CSMD1: variants seen among roughly 807,000 people sequenced by gnomAD.
CSMD1 encodes the protein CUB and Sushi multiple domains 1, also known as CUB and sushi domain-containing protein 1.
CSMD1 carries 213 observed loss-of-function variants against 417.5 expected under a neutral mutation model. That is an observed-to-expected ratio of 0.51 (90% confidence interval 0.46 to 0.57). The LOEUF (loss-of-function observed/expected upper bound fraction) is 0.57. Among genes scored for constraint, CSMD1 ranks in the 20% least tolerant of loss-of-function variants. The probability of loss-of-function intolerance (pLI) is 0.00; values close to 1 mark genes in which losing one functional copy is unlikely to be tolerated. For missense variants in CSMD1, 6,923 were observed against 4,529.7 expected (o/e 1.53, Z -15.17); for synonymous variants, 2,862 against 1,736.8 (o/e 1.65, Z -16.11).
At chr8:3,985,866 A>G (rs1198545668) in intron 5 of CSMD1, among the ~76,000 whole-genome samples, 2 of 151,528 alleles carry the variant, frequency 1.3e-5, no homozygotes, top group South Asian at 2.1e-4. Context: ...TGAGCATCAG[A>G]TAATTTTTCT....
At chr8:4,309,349 G>A (rs192406687) in intron 3 of CSMD1, among the ~76,000 whole-genome samples, 24 of 151,904 alleles carry the variant, frequency 1.6e-4, no homozygotes, top group Non-Finnish European at 3.1e-4. Context: ...GTTTTTTTAG[G>A]AAAAAAACTA....
intron 10 of CSMD1, among the ~76,000 whole-genome samples, chr8:3,570,959 A>G (rs750611547): frequency 6.6e-6 from 1 of 152,208 alleles, no homozygotes; most frequent in Non-Finnish European, 1.5e-5. Context: ...AAAATGTGCT[A>G]TAGGCACATC....
At chr8:2,947,197 A>C (rs542341853) in intron 68 of CSMD1, among the ~76,000 whole-genome samples, 2 of 152,320 alleles carry the variant, frequency 1.3e-5, no homozygotes, top group African/African-American at 4.8e-5. Flanking sequence ...ATTCAATCCT[A>C]ATGAGGAAAC....
intron 3 of CSMD1, among the ~76,000 whole-genome samples, chr8:4,415,384 G>T (rs1382277540): frequency 6.6e-6 from 1 of 152,104 alleles, no homozygotes; most frequent in East Asian, 1.9e-4. Flanking sequence ...TCTTCCTTGA[G>T]ACCTTCTATT....
At position 4,481,736 on chromosome 8, in the gene CSMD1, A is replaced by G. The variant is rs539052623; in HGVS notation, c.303-61671T>C. On this transcript the variant is annotated intron_variant, in intron 2 of 69. Transcript: ENST00000635120. ...TATATTAGACTACTTCTTTAAGCTT[A>G]AAGAAGTAAATATTAGATACTGTGC... Among the ~76,000 whole-genome samples the G allele has an allele frequency of 5.4e-4, 83 of 152,320 alleles. 3 individuals are homozygous for G. In the South Asian group the frequency reaches 0.013, roughly 23 times the overall value.
chr8:4,604,291 G>A (rs565994965), intron 2 of CSMD1, among the ~76,000 whole-genome samples: 3 of 151,324 alleles, frequency 2.0e-5, no homozygotes, highest in African/African-American at 7.3e-5. Flanking sequence ...TAAGACATTG[G>A]TGTCTATATA....
intron 49 of CSMD1, among the ~76,000 whole-genome samples, chr8:3,060,746 A>G: frequency 6.6e-6 from 1 of 152,198 alleles, no homozygotes; most frequent in African/African-American, 2.4e-5. Flanking sequence ...ATATGATAGT[A>G]TTAAGAGGTG....
intron 5 of CSMD1, among the ~76,000 whole-genome samples, chr8:3,913,804 G>T (rs999316391): frequency 6.6e-6 from 1 of 152,164 alleles, no homozygotes; most frequent in African/African-American, 2.4e-5. Context: ...GGGCACCAGA[G>T]TACTAGAGTA....
At chr8:3,693,836 G>A (rs1247313563) in intron 7 of CSMD1, among the ~76,000 whole-genome samples, 2 of 151,354 alleles carry the variant, frequency 1.3e-5, no homozygotes, top group Non-Finnish European at 2.9e-5. Flanking sequence ...TGTGTGTGTT[G>A]TGTGTGTTAG....
intron 5 of CSMD1, among the ~76,000 whole-genome samples, chr8:3,902,017 T>C (rs1396500454): frequency 1.3e-5 from 2 of 152,198 alleles, no homozygotes; most frequent in Admixed American, 1.3e-4. Context: ...TCTTACTCTA[T>C]TCCATTTATT....
At chr8:3,219,534 T>G (rs1798081880) in intron 28 of CSMD1, 92 bp from the exon 29 acceptor site, 1 of 929,328 alleles carries the variant, frequency 1.1e-6, no homozygotes, top group Non-Finnish European at 1.5e-6. Context: ...TGATTTTATT[T>G]GCTTTTGTAT....
At chr8:2,951,379 G>C (rs1802620148) in intron 65 of CSMD1, 104 bp from the exon 66 acceptor site, 2 of 1,190,520 alleles carry the variant, frequency 1.7e-6, no homozygotes, top group Non-Finnish European at 2.3e-6. Context: ...AGCGATCACA[G>C]ATGAGGGCAG....
chr8:3,256,052 G>C (rs1585817822), intron 26 of CSMD1, among the ~76,000 whole-genome samples: 1 of 152,270 alleles, frequency 6.6e-6, no homozygotes, highest in Middle Eastern at 3.4e-3. Flanking sequence ...ACTGAGCCGG[G>C]TGAGGTGGCT....
In CSMD1 at chr8:4,962,151, G is replaced by C. The variant is rs79998665; in HGVS notation, c.85+32181C>G. 5.0e-3 allele frequency among the ~76,000 whole-genome samples: 738 copies of C among 148,600 alleles called. 15 individuals are homozygous for C. Among genetic ancestry groups the C allele is most frequent in the Admixed American group, 0.045 (666 of 14,842 alleles). On this transcript the variant is annotated intron_variant, in intron 1 of 69. Coordinates refer to ENST00000635120, the MANE Select transcript of CSMD1 (RefSeq NM_033225.6). ...TATTGGAGGCTTTTACAACTATCCA[G>C]TGAAACACAAAACAATAATATAAAT...
At chr8:4,210,325 T>C (rs1260256976) in intron 3 of CSMD1, among the ~76,000 whole-genome samples, 1 of 152,242 alleles carries the variant, frequency 6.6e-6, no homozygotes, top group African/African-American at 2.4e-5. Context: ...AGTGTGGGAT[T>C]GTGCTGTGTC....
At chr8:3,849,129 G>C (rs193290730) in intron 5 of CSMD1, among the ~76,000 whole-genome samples, 1 of 152,164 alleles carries the variant, frequency 6.6e-6, no homozygotes, top group East Asian at 1.9e-4. Context: ...TGAAAGACAA[G>C]GAAGCCTAGG....
chr8:3,808,700 G>A (rs1182059036), intron 5 of CSMD1, among the ~76,000 whole-genome samples: 1 of 152,162 alleles, frequency 6.6e-6, no homozygotes, highest in African/African-American at 2.4e-5. Context: ...CACTCTAGAA[G>A]TTCCCACTTG....
chr8:3,146,461 C>T (rs1056069708), intron 40 of CSMD1, among the ~76,000 whole-genome samples: 3 of 151,826 alleles, frequency 2.0e-5, no homozygotes, highest in African/African-American at 4.8e-5. Context: ...TCAAAATAGC[C>T]CTATGGGACT....
intron 32 of CSMD1, among the ~76,000 whole-genome samples, chr8:3,200,652 G>C (rs893202387): frequency 3.9e-5 from 6 of 151,944 alleles, no homozygotes; most frequent in Admixed American, 3.9e-4. Flanking sequence ...GCAGTGGTGG[G>C]AGGTGTGTGA....
Sources: allele counts gnomAD v4.1 joint callset (sites outside exome capture counted in the v4.1 genomes callset), GRCh38; gene constraint gnomAD v4.1.1; transcripts MANE v1.5; gene names NCBI Gene and HGNC (gene_info 2026-07-23, HGNC 2026-07-21).